F5: variants seen among roughly 807,000 people sequenced by gnomAD.
F5 encodes the protein coagulation factor V, also known as activated protein c cofactor.
A neutral mutation model predicts 216.4 loss-of-function variants in F5; 138 were observed. That is an observed-to-expected ratio of 0.64 (90% CI 0.56 to 0.73). The LOEUF is 0.73. Among genes scored for constraint, F5 ranks in the 30% least tolerant of loss-of-function variants. The probability of loss-of-function intolerance (pLI) is 0.00; values close to 1 mark genes in which losing one functional copy is unlikely to be tolerated. For synonymous variants in F5, 916 were observed against 930.7 expected (o/e 0.98, Z 0.29); for missense variants, 2,403 against 2,674.0 (o/e 0.90, Z 2.24).
intron 23 of F5, among the ~76,000 whole-genome samples, chr1:169,517,263 G>C (rs9332667): frequency 0.26 from 40,051 of 151,854 alleles, 5,384 homozygotes; most frequent in Admixed American, 0.35. Flanking sequence ...TGTGTATTTA[G>C]AATTAAAAGG....
intron 13 of F5, 97 bp downstream of exon 13, chr1:169,540,197 G>T: frequency 7.6e-7 from 1 of 1,321,662 alleles, no homozygotes; most frequent in Non-Finnish European, 1.1e-6. Flanking sequence ...ACTGTTCTTA[G>T]TATAATTTGC....
intron 2 of F5, 109 bp downstream of exon 2, chr1:169,582,322 C>A (rs931601382): frequency 9.9e-5 from 56 of 563,412 alleles, no homozygotes; most frequent in African/African-American, 1.7e-4. Flanking sequence ...AAAAAAAAAA[C>A]CACACGTTTC....
At chr1:169,564,380 G>A (rs1032513865) in intron 3 of F5, among the ~76,000 whole-genome samples, 8 of 151,932 alleles carry the variant, frequency 5.3e-5, no homozygotes, top group Non-Finnish European at 1.0e-4. Context: ...GAGCTTCTCC[G>A]AAGTCCAAAC....
intron 17 of F5, among the ~76,000 whole-genome samples, chr1:169,526,732 C>T (rs1448508923): frequency 6.6e-6 from 1 of 152,034 alleles, no homozygotes; most frequent in East Asian, 1.9e-4. Context: ...TTAGAGACAC[C>T]AGCCAATCCT....
chr1:169,582,177 G>A (rs189554128), intron 2 of F5, among the ~76,000 whole-genome samples: 10 of 152,182 alleles, frequency 6.6e-5, no homozygotes, highest in Non-Finnish European at 1.3e-4. Flanking sequence ...CAGTTTCACA[G>A]GGCCCCATGC....
chr1:169,552,064 T>G (rs1460390442), intron 8 of F5, among the ~76,000 whole-genome samples: 1 of 152,254 alleles, frequency 6.6e-6, no homozygotes, highest in Admixed American at 6.5e-5. Context: ...TTATGCTGGT[T>G]ATAAGAATTT....
In F5 at chr1:169,540,501, T is replaced by G. The variant is rs6007; in HGVS notation, c.4589A>C (p.Glu1530Ala). The G allele has an allele frequency of 3.4e-3, 5,420 of 1,614,014 alleles. 9 individuals carry two copies. Among genetic ancestry groups the G allele is most frequent in the Non-Finnish European group, 4.2e-3 (4,926 of 1,179,960 alleles). The change falls in exon 13 of 25, where the codon GAG becomes GCG. Residue 1530 changes from glutamate to alanine, a missense_variant. By Grantham distance (107) the Glu-to-Ala change is moderately radical. Coordinates refer to ENST00000367797, the MANE Select transcript of F5 (RefSeq NM_000130.5). ...TDYIEIIPKE[E>A]VQSSEDDYAE... ...ATAGTCATCTTCACTGCTCTGGACC[T>G]CTTCCTTTGGAATGATCTCAATGTA...
intron 3 of F5, among the ~76,000 whole-genome samples, chr1:169,569,689 T>A (rs1226610924): frequency 1.3e-5 from 2 of 152,100 alleles, no homozygotes; most frequent in Admixed American, 1.3e-4. Context: ...GGAAATGTCC[T>A]TACAAGCATT....
intron 12 of F5, 29 bp from the exon 13 acceptor site, chr1:169,543,143 A>C (rs1460958891): frequency 1.3e-6 from 2 of 1,598,904 alleles, no homozygotes; most frequent in African/African-American, 2.7e-5. Context: ...CAGAAGAGAG[A>C]TCTGGAAGTC....
In F5 at chr1:169,542,580, T is replaced by C. The variant is rs777044967; in HGVS notation, c.2510A>G (p.Glu837Gly). The C allele has an allele frequency of 1.2e-6, 2 of 1,614,100 alleles. No homozygotes were observed. Among genetic ancestry groups the C allele is most frequent in the South Asian group, 2.2e-5 (2 of 91,076 alleles). Residue 837 changes from glutamate to glycine, a missense_variant, in exon 13 of 25, where the codon GAG becomes GGG. Coordinates refer to ENST00000367797, the MANE Select transcript of F5 (RefSeq NM_000130.5). ...TGTGACATCTGGCTGTAGAGGATCC[T>C]CTATAGGGTCTTCAGAATATGGGCT... ...HSSPYSEDPI[E>G]DPLQPDVTGI...
chr1:169,568,687 G>C (rs1225539763), intron 3 of F5, among the ~76,000 whole-genome samples: 4 of 152,174 alleles, frequency 2.6e-5, no homozygotes, highest in East Asian at 3.9e-4. Flanking sequence ...ACTCAGTTCT[G>C]TTCATTTCCT....
chr1:169,543,879 C>A (rs1659932127), intron 12 of F5, among the ~76,000 whole-genome samples: 1 of 152,322 alleles, frequency 6.6e-6, no homozygotes, highest in Non-Finnish European at 1.5e-5. Flanking sequence ...TCAGGACTTG[C>A]ATTCCAGTCT....
chr1:169,524,045 T>C, intron 19 of F5, 141 bp from the exon 20 acceptor site: 1 of 719,924 alleles, frequency 1.4e-6, no homozygotes, highest in South Asian at 1.5e-5. Context: ...CCTCAGCTAC[T>C]AGGCCAGTCC....
At position 169,515,555 on chromosome 1, in the gene F5, C is replaced by T; in HGVS notation, c.6417G>A (p.Gln2139=). 6.2e-7 allele frequency: 1 copy of T among 1,613,512 alleles called. No individual in the cohort carries two copies. The highest frequency in any genetic ancestry group is 8.5e-7 in the Non-Finnish European group (1 of 1,179,696). Residue 2139 remains glutamine (Q), a synonymous_variant, in exon 24 of 25, where the codon CAG becomes CAA. Transcript: ENST00000367797. ...TTTCAGAGGACAGAGACTTGCAGCC[C>T]TGTGTTATAATTGCCGTTATCTTCT... is the stretch of plus-strand genomic sequence containing the variant. The part of the protein sequence containing the change: ...KIKKITAIIT[Q]GCKSLSSEMY...
At position 169,555,456 on chromosome 1, in the gene F5, GA is replaced by G. The variant is rs1660298554; in HGVS notation, c.953-110del. The stretch of plus-strand genomic sequence containing the variant: ...TGGAAGGTTTATATTAATATAATAA[GA>G]GTGAAAGTAATGCTCAGGCAATTTT... On this transcript the variant is annotated intron_variant, in intron 6 of 24. Coordinates refer to ENST00000367797, the MANE Select transcript of F5 (RefSeq NM_000130.5). 4.2e-6 allele frequency: 5 copies of G among 1,200,430 alleles called. No homozygotes were observed. The Admixed American group carries it at 9.9e-5, about 24-fold the overall frequency. 74.4% of individuals were successfully genotyped at this position (1,200,430 alleles called of 1,614,324 possible).
intron 11 of F5, among the ~76,000 whole-genome samples, chr1:169,545,276 T>C (rs1659970803): frequency 6.6e-6 from 1 of 152,244 alleles, no homozygotes; most frequent in South Asian, 2.1e-4. Context: ...ACTGCATTGT[T>C]CAATATGGTA....
intron 13 of F5, among the ~76,000 whole-genome samples, chr1:169,536,922 C>G (rs1659717986): frequency 6.6e-6 from 1 of 151,908 alleles, no homozygotes; most frequent in African/African-American, 2.4e-5. Flanking sequence ...GGTCAAGTCT[C>G]TATATCAATT....
intron 14 of F5, among the ~76,000 whole-genome samples, chr1:169,535,423 G>A (rs933905834): frequency 6.6e-6 from 1 of 152,174 alleles, no homozygotes; most frequent in Non-Finnish European, 1.5e-5. Flanking sequence ...AGGAATGCAA[G>A]TGGTTTTTGG....
intron 10 of F5, 52 bp downstream of exon 10, chr1:169,549,749 A>T: frequency 7.2e-7 from 1 of 1,392,262 alleles, no homozygotes; most frequent in Non-Finnish European, 1.0e-6. Flanking sequence ...AACATGTTCT[A>T]GCCAGAAGAA....
Sources: allele counts gnomAD v4.1 joint callset (sites outside exome capture counted in the v4.1 genomes callset), GRCh38; gene constraint gnomAD v4.1.1; transcripts MANE v1.5; gene names NCBI Gene and HGNC (gene_info 2026-07-23, HGNC 2026-07-21).